The following COP1 variants were observed in gnomAD, a reference collection of about 807,000 sequenced individuals.
The protein encoded by COP1 is E3 ubiquitin-protein ligase COP1.
A neutral mutation model predicts 101.3 loss-of-function variants in COP1; 24 were observed. The observed-to-expected ratio is 0.24, with a 90% CI of 0.17 to 0.33. The LOEUF is 0.33. Ranked by LOEUF, COP1 falls within the 10% of genes least tolerant of loss-of-function variation. COP1 has a pLI of 1.00. For missense variants in COP1, 663 were observed against 906.2 expected (o/e 0.73, Z 3.45); for synonymous variants, 347 against 341.9 (o/e 1.01, Z -0.17).
intron 15 of COP1, among the ~76,000 whole-genome samples, chr1:176,008,504 ATT>A (rs1663981838): frequency 6.6e-6 from 1 of 152,110 alleles, no homozygotes; most frequent in Non-Finnish European, 1.5e-5. Context: ...GATAAAGTAT[ATT>A]TGTCATATTT....
intron 8 of COP1, 112 bp downstream of exon 8, chr1:176,134,898 A>G (rs1358449302): frequency 1.6e-5 from 11 of 681,702 alleles, no homozygotes; most frequent in South Asian, 9.0e-5. Flanking sequence ...ATCATGACCA[A>G]AGTAATTTCT....
At chr1:176,081,497 C>T (rs572765203) in intron 10 of COP1, among the ~76,000 whole-genome samples, 2 of 151,794 alleles carry the variant, frequency 1.3e-5, no homozygotes, top group South Asian at 4.2e-4. Flanking sequence ...TGTCTCTTTC[C>T]ACTGTGAATT....
chr1:176,072,936 C>T (rs1421730586), intron 11 of COP1, among the ~76,000 whole-genome samples: 1 of 152,108 alleles, frequency 6.6e-6, no homozygotes, highest in Non-Finnish European at 1.5e-5. Flanking sequence ...ATTAATTCCT[C>T]TTTTTCTTCT....
intron 3 of COP1, among the ~76,000 whole-genome samples, chr1:176,170,863 C>T (rs985993611): frequency 2.6e-5 from 4 of 152,136 alleles, no homozygotes; most frequent in African/African-American, 7.2e-5. Flanking sequence ...TGATAGCTCA[C>T]GCCTGTAATC....
chr1:176,024,688 T>C (rs945219930), intron 15 of COP1, among the ~76,000 whole-genome samples: 2 of 152,108 alleles, frequency 1.3e-5, no homozygotes, highest in East Asian at 3.8e-4. Context: ...ATTCTACGTG[T>C]AGAAAACCCC....
intron 11 of COP1, among the ~76,000 whole-genome samples, chr1:176,079,539 C>T (rs1040592580): frequency 6.6e-6 from 1 of 151,560 alleles, no homozygotes; most frequent in African/African-American, 2.4e-5. Context: ...TGTACCTATG[C>T]TCACTGTCTG....
intron 18 of COP1, chr1:175,968,377 T>G (rs771874448): frequency 2.0e-6 from 1 of 495,870 alleles, no homozygotes; most frequent in South Asian, 1.5e-5. Flanking sequence ...AAACCAAGTA[T>G]TTAGAGTGGC....
Position 175,981,616 on chromosome 1 carries a change from G to A in COP1, c.2133+5327C>T, listed in dbSNP as rs191474569. ...CCATAATGGTCTGAAAAATTTTTTG[G>A]CTAAAACTGCAAAAGCAAAAACAGA... is the stretch of plus-strand genomic sequence containing the variant. On this transcript the variant is annotated intron_variant, in intron 18 of 19. Coordinates refer to ENST00000367669, the MANE Select transcript of COP1 (RefSeq NM_022457.7). Among the ~76,000 whole-genome samples, 129 of 152,104 alleles carry A rather than the reference G, an allele frequency of 8.5e-4. 1 individual carries two copies. In the Middle Eastern group the frequency reaches 0.01, roughly 12 times the overall value.
intron 14 of COP1, among the ~76,000 whole-genome samples, chr1:176,033,940 C>T (rs372904962): frequency 2.6e-5 from 4 of 152,130 alleles, no homozygotes; most frequent in Admixed American, 2.6e-4. Flanking sequence ...TTTATATGAT[C>T]GCCAAACAGA....
At chr1:176,199,205 T>C (rs1700025339) in intron 1 of COP1, among the ~76,000 whole-genome samples, 1 of 152,044 alleles carries the variant, frequency 6.6e-6, no homozygotes, top group African/African-American at 2.4e-5. Context: ...TAATCCTAGC[T>C]ACTCGGGAGG....
intron 18 of COP1, among the ~76,000 whole-genome samples, chr1:175,976,370 C>T (rs1259665748): frequency 1.4e-5 from 2 of 144,068 alleles, no homozygotes; most frequent in Admixed American, 7.3e-5. Flanking sequence ...CTACACCTCC[C>T]GGGTTCAAGT....
intron 18 of COP1, among the ~76,000 whole-genome samples, chr1:175,966,005 A>C (rs2148564151): frequency 6.6e-6 from 1 of 152,308 alleles, no homozygotes; most frequent in South Asian, 2.1e-4. Context: ...AAAGACATTC[A>C]AACATAGGTT....
At chr1:176,035,722 A>C (rs1220403429) in intron 14 of COP1, among the ~76,000 whole-genome samples, 1 of 151,000 alleles carries the variant, frequency 6.6e-6, no homozygotes, top group African/African-American at 2.4e-5. Flanking sequence ...AAAAAAAAAA[A>C]AAAAAAAAAA....
Position 176,072,012 on chromosome 1 carries a change from A to C in COP1, c.1277+9140T>G, listed in dbSNP as rs1366543767. 4.6e-5 allele frequency among the ~76,000 whole-genome samples: 7 copies of C among 152,340 alleles called. No individual in the cohort carries two copies. In the East Asian group the frequency reaches 1.3e-3, roughly 29 times the overall value. On this transcript the variant is annotated intron_variant, in intron 11 of 19. Coordinates refer to ENST00000367669, the MANE Select transcript of COP1 (RefSeq NM_022457.7). ...GTGGGAATACATGTAGTGACTTTCA[A>C]AGTTTAAGCTTAGATTGTTTGTGTT... is the stretch of plus-strand genomic sequence containing the variant.
At chr1:176,130,060 C>A (rs940815780) in intron 8 of COP1, among the ~76,000 whole-genome samples, 1 of 151,658 alleles carries the variant, frequency 6.6e-6, no homozygotes, top group Non-Finnish European at 1.5e-5. Context: ...ATTTGTTAAT[C>A]CATATAACGT....
chr1:176,033,692 C>T (rs1050334951), intron 14 of COP1, among the ~76,000 whole-genome samples: 3 of 151,938 alleles, frequency 2.0e-5, no homozygotes, highest in African/African-American at 4.8e-5. Flanking sequence ...GGTTCTTTAA[C>T]ATGTAATTAC....
chr1:176,138,453 C>G (rs999089818), intron 6 of COP1, among the ~76,000 whole-genome samples: 1 of 152,096 alleles, frequency 6.6e-6, no homozygotes, highest in Admixed American at 6.6e-5. Flanking sequence ...ACTCATCTAT[C>G]TACTTTAATA....
intron 2 of COP1, among the ~76,000 whole-genome samples, chr1:176,182,149 T>C (rs554852226): frequency 9.0e-4 from 137 of 152,320 alleles, no homozygotes; most frequent in African/African-American, 3.1e-3. Context: ...ACAATGGATA[T>C]GTAAGTTACA....
In COP1 at chr1:175,961,114, A is replaced by C. The variant is rs1651285796; in HGVS notation, c.2134-13875T>G. ...CTGGGACTTGCATCAATGGGCCCTC[A>C]AATTCTCAGGCCTTTAGCCTAAGAT... On this transcript the variant is annotated intron_variant, in intron 18 of 19. Transcript: ENST00000367669. 1.3e-5 allele frequency among the ~76,000 whole-genome samples: 2 copies of C among 152,200 alleles called. 1 individual carries two copies. Among genetic ancestry groups the C allele is most frequent in the South Asian group, 4.1e-4 (2 of 4,836 alleles).
Sources: allele counts gnomAD v4.1 joint callset (sites outside exome capture counted in the v4.1 genomes callset), GRCh38; gene constraint gnomAD v4.1.1; transcripts MANE v1.5; gene names NCBI Gene and HGNC (gene_info 2026-07-23, HGNC 2026-07-21).